Variants in RAB6B observed in about 807,000 individuals in gnomAD.
The protein encoded by RAB6B is RAB6B, member RAS oncogene family.
In RAB6B, 7 loss-of-function variants were observed where a neutral mutation model predicts 31.2. That is an observed-to-expected ratio of 0.22 (90% CI 0.13 to 0.42). The LOEUF is 0.42. Ranked by LOEUF, RAB6B falls within the 10% of genes least tolerant of loss-of-function variation. RAB6B has a pLI of 1.00. For synonymous variants in RAB6B, 105 were observed against 104.9 expected, an observed-to-expected ratio of 1.00 and a Z score of -0.01; for missense variants, 149 against 280.6, an observed-to-expected ratio of 0.53 and a Z score of 3.35.
chr3:133,848,722 C>T (rs1360773318), intron 2 of RAB6B, among the ~76,000 whole-genome samples: 1 of 151,936 alleles, frequency 6.6e-6, no homozygotes, highest in African/African-American at 2.4e-5. Context: ...GGGTGAAGCC[C>T]TCATTACCTA....
At chr3:133,852,758 C>T (rs993203478) in intron 2 of RAB6B, among the ~76,000 whole-genome samples, 5 of 152,174 alleles carry the variant, frequency 3.3e-5, no homozygotes, top group Non-Finnish European at 4.4e-5. Flanking sequence ...GGATTACAGG[C>T]GTGAGTCACC....
chr3:133,880,629 C>T (rs143816041), intron 1 of RAB6B, among the ~76,000 whole-genome samples: 2 of 152,370 alleles, frequency 1.3e-5, no homozygotes, highest in African/African-American at 4.8e-5. Flanking sequence ...ACACAGGAAG[C>T]TGTCCCTGCA....
intron 1 of RAB6B, among the ~76,000 whole-genome samples, chr3:133,873,474 G>T (rs1284742812): frequency 1.3e-5 from 2 of 152,158 alleles, no homozygotes; most frequent in African/African-American, 4.8e-5. Context: ...CATGCTGCCA[G>T]CACAGCTGGG....
intron 7 of RAB6B, among the ~76,000 whole-genome samples, chr3:133,831,143 T>C (rs975067142): frequency 1.3e-5 from 2 of 152,196 alleles, no homozygotes; most frequent in African/African-American, 4.8e-5. Context: ...TGCACAGCAA[T>C]AGTTCTCAAA....
intron 2 of RAB6B, among the ~76,000 whole-genome samples, chr3:133,856,203 A>G (rs1189903871): frequency 6.6e-6 from 1 of 152,064 alleles, no homozygotes. Flanking sequence ...CTAGGAGGGG[A>G]CTACATTTCT....
rs1315251117 is a variant in RAB6B, at chr3:133,895,709, T to A, written c.-243A>T. Reference sequence around the variant, plus strand: ...GAAGGCTGGGGCTGGGCTGCTGCGGTCGGCACTGGCTGCGGTGCGAGGGGC... The same window carrying A: ...GAAGGCTGGGGCTGGGCTGCTGCGGACGGCACTGGCTGCGGTGCGAGGGGC... On this transcript the variant is annotated 5_prime_UTR_variant, in exon 1 of 8. Transcript: ENST00000285208. The A allele has an allele frequency of 1.9e-6, 1 of 534,946 alleles. No individual in the cohort carries two copies. Among genetic ancestry groups the A allele is most frequent in the African/African-American group, 2.0e-5 (1 of 49,430 alleles). 33.1% of individuals were successfully genotyped at this position (534,946 alleles called of 1,614,324 possible). A position where few individuals can be genotyped will look rare whatever the true frequency, so the allele number is the denominator to read the frequency against.
At chr3:133,832,889 C>T (rs1056847654) in intron 7 of RAB6B, among the ~76,000 whole-genome samples, 3 of 152,216 alleles carry the variant, frequency 2.0e-5, no homozygotes, top group Non-Finnish European at 2.9e-5. Flanking sequence ...CATACCAGGA[C>T]GATGACGAGC....
At chr3:133,884,746 T>C (rs1449011901) in intron 1 of RAB6B, among the ~76,000 whole-genome samples, 2 of 149,488 alleles carry the variant, frequency 1.3e-5, no homozygotes, top group East Asian at 2.0e-4. Flanking sequence ...TGACAGAGAA[T>C]GGAGGACTCA....
At position 133,826,063 on chromosome 3, in the gene RAB6B, A is replaced by G. The variant is rs1935557421; in HGVS notation, c.*2725T>C. 3 of 152,324 alleles carry G rather than the reference A, an allele frequency of 2.0e-5. No individual in the cohort carries two copies. Among genetic ancestry groups the G allele is most frequent in the East Asian group, 3.8e-4 (2 of 5,198 alleles). The allele number at this position is 152,324 out of a possible 1,614,324, so 9.4% of individuals were successfully genotyped here. On this transcript the variant is annotated 3_prime_UTR_variant, in exon 8 of 8. Coordinates refer to ENST00000285208, the MANE Select transcript of RAB6B (RefSeq NM_016577.4). ...GCTCAAGACAAAAATCAGGGAACCA[A>G]CAACTTCTGAAAAAGAGGTCTGGCT...
At chr3:133,871,935 T>C (rs988607076) in intron 1 of RAB6B, among the ~76,000 whole-genome samples, 1 of 152,210 alleles carries the variant, frequency 6.6e-6, no homozygotes, top group African/African-American at 2.4e-5. Context: ...TCCACAGAGC[T>C]GGGCTCAGGG....
intron 1 of RAB6B, among the ~76,000 whole-genome samples, chr3:133,890,648 C>T (rs1936624383): frequency 6.6e-6 from 1 of 152,140 alleles, no homozygotes; most frequent in African/African-American, 2.4e-5. Flanking sequence ...GCCACCTCAA[C>T]TTCCTTCACT....
At chr3:133,858,138 G>C (rs1216728458) in intron 2 of RAB6B, among the ~76,000 whole-genome samples, 2 of 152,224 alleles carry the variant, frequency 1.3e-5, no homozygotes, top group Admixed American at 1.3e-4. Context: ...CCCGCCCTCG[G>C]GCCTTCCACA....
chr3:133,878,263 CA>C (rs1221646853), intron 1 of RAB6B, among the ~76,000 whole-genome samples: 1 of 151,030 alleles, frequency 6.6e-6, no homozygotes. Flanking sequence ...TAGTCAGTGA[CA>C]AAAAAAATCA....
At chr3:133,868,674 T>C (rs1576404855) in intron 1 of RAB6B, among the ~76,000 whole-genome samples, 1 of 152,224 alleles carries the variant, frequency 6.6e-6, no homozygotes, top group Non-Finnish European at 1.5e-5. Context: ...TGTAATCTTC[T>C]GGTAGTTTAG....
At chr3:133,833,785 G>A (rs762178429) in intron 7 of RAB6B, among the ~76,000 whole-genome samples, 2 of 152,162 alleles carry the variant, frequency 1.3e-5, no homozygotes, top group Non-Finnish European at 2.9e-5. Context: ...CTGCATGCTT[G>A]TTTTCTGGTG....
chr3:133,838,851 C>T (rs1935779888), intron 5 of RAB6B, among the ~76,000 whole-genome samples: 1 of 152,196 alleles, frequency 6.6e-6, no homozygotes, highest in Non-Finnish European at 1.5e-5. Flanking sequence ...AGGGACGCTG[C>T]AGGAAGCCCA....
At position 133,826,530 on chromosome 3, in the gene RAB6B, G is replaced by C. The variant is rs2107981981; in HGVS notation, c.*2258C>G. The C allele has an allele frequency of 6.5e-6, 1 of 152,808 alleles. No individual in the cohort carries two copies. The highest frequency in any genetic ancestry group is 1.9e-4 in the East Asian group (1 of 5,188). The allele number at this position is 152,808 out of a possible 1,614,324, so 9.5% of individuals were successfully genotyped here. A position where few individuals can be genotyped will look rare whatever the true frequency, so the allele number is the denominator to read the frequency against. ...GGTGATGGCCCCCGCTGCCAACCAG[G>C]CAGGACACTGTCATGTGGACTCCTG... On this transcript the variant is annotated 3_prime_UTR_variant, in exon 8 of 8. Coordinates refer to ENST00000285208, the MANE Select transcript of RAB6B (RefSeq NM_016577.4).
intron 1 of RAB6B, among the ~76,000 whole-genome samples, chr3:133,868,005 C>G (rs970518418): frequency 5.3e-5 from 8 of 152,144 alleles, no homozygotes; most frequent in Non-Finnish European, 1.0e-4. Flanking sequence ...TATCCGAGAC[C>G]CTTGTCCTCC....
intron 1 of RAB6B, among the ~76,000 whole-genome samples, chr3:133,890,705 A>AT (rs1936625040): frequency 1.3e-5 from 2 of 152,196 alleles, no homozygotes; most frequent in Admixed American, 1.3e-4. Context: ...AGCAAGGATA[A>AT]TCTCATCATT....
Sources: gnomAD v4.1 joint callset for allele counts (sites outside exome capture counted in the v4.1 genomes callset) on GRCh38, gnomAD v4.1.1 for gene constraint, MANE v1.5 for transcripts, NCBI Gene and HGNC (gene_info 2026-07-23, HGNC 2026-07-21) for gene names.